The following GPR149 variants were observed in gnomAD, a reference collection of about 807,000 sequenced individuals.
GPR149 encodes probable G protein-coupled receptor 149.
In GPR149, 50 loss-of-function variants were observed where a neutral mutation model predicts 50.2. That is an observed-to-expected ratio of 1.00 (90% CI 0.79 to 1.26). The LOEUF is 1.26. GPR149 is among the 50% of genes most tolerant of loss of function. The probability of loss-of-function intolerance (pLI) is 0.00; values close to 1 mark genes in which losing one functional copy is unlikely to be tolerated. For missense variants in GPR149, 983 were observed against 895.4 expected, an observed-to-expected ratio of 1.10 and a Z score of -1.25; for synonymous variants, 405 against 358.2, an observed-to-expected ratio of 1.13 and a Z score of -1.48.
chr3:154,426,709 C>T (rs1712311917), intron 2 of GPR149, among the ~76,000 whole-genome samples: 1 of 152,024 alleles, frequency 6.6e-6, no homozygotes, highest in African/African-American at 2.4e-5. Context: ...TGGAAGGGAC[C>T]CTGCTTTCCA....
intron 3 of GPR149, among the ~76,000 whole-genome samples, chr3:154,350,585 C>T (rs1024694630): frequency 5.3e-5 from 8 of 152,096 alleles, no homozygotes; most frequent in African/African-American, 1.9e-4. Flanking sequence ...GACTGGAAGA[C>T]TTGACAGTAA....
At chr3:154,386,867 C>T (rs1330665866) in intron 3 of GPR149, among the ~76,000 whole-genome samples, 3 of 151,964 alleles carry the variant, frequency 2.0e-5, no homozygotes, top group Non-Finnish European at 4.4e-5. Context: ...AATAGAAGAG[C>T]CAATATTTTA....
intron 3 of GPR149, among the ~76,000 whole-genome samples, chr3:154,367,543 T>C (rs1714558668): frequency 4.6e-5 from 7 of 152,158 alleles, no homozygotes. Context: ...ACATGTTAAT[T>C]GTCTTTGTTT....
chr3:154,389,013 A>G (rs1715108203), intron 3 of GPR149, among the ~76,000 whole-genome samples: 1 of 152,118 alleles, frequency 6.6e-6, no homozygotes, highest in African/African-American at 2.4e-5. Context: ...ATAAAAAGGT[A>G]AATCACTTGT....
intron 3 of GPR149, among the ~76,000 whole-genome samples, chr3:154,386,982 T>C (rs201364976): frequency 3.5e-5 from 5 of 144,468 alleles, no homozygotes; most frequent in South Asian, 4.6e-4. Context: ...CCTTTTTTTT[T>C]CCCTATTAAG....
At chr3:154,407,418 G>A (rs990444324) in intron 3 of GPR149, among the ~76,000 whole-genome samples, 4 of 151,938 alleles carry the variant, frequency 2.6e-5, no homozygotes, top group African/African-American at 9.7e-5. Flanking sequence ...ACAGGGGTGT[G>A]GGTTAGCAAT....
At chr3:154,367,340 C>CA (rs1172020357) in intron 3 of GPR149, among the ~76,000 whole-genome samples, 17 of 36,702 alleles carry the variant, frequency 4.6e-4, no homozygotes, top group Non-Finnish European at 8.1e-4. Flanking sequence ...CTCCCTTCCC[C>CA]CCCCCGAAAC....
At chr3:154,358,439 A>G (rs1714297152) in intron 3 of GPR149, among the ~76,000 whole-genome samples, 1 of 152,182 alleles carries the variant, frequency 6.6e-6, no homozygotes, top group South Asian at 2.1e-4. Context: ...ATCTAAGTAT[A>G]AAAGCTCTTC....
intron 3 of GPR149, chr3:154,353,089 G>A: frequency 7.0e-7 from 1 of 1,435,684 alleles, no homozygotes; most frequent in Admixed American, 1.7e-5. Flanking sequence ...TGTAAACACT[G>A]GGCATTCTGT....
intron 3 of GPR149, among the ~76,000 whole-genome samples, chr3:154,371,044 C>T (rs915318344): frequency 6.6e-6 from 1 of 152,102 alleles, no homozygotes; most frequent in African/African-American, 2.4e-5. Flanking sequence ...GCAAAGAATG[C>T]CCATCCAGTC....
At chr3:154,419,517 A>C (rs1712079709) in intron 3 of GPR149, among the ~76,000 whole-genome samples, 2 of 152,088 alleles carry the variant, frequency 1.3e-5, no homozygotes, top group African/African-American at 4.8e-5. Context: ...GCATGATACC[A>C]TCTTTAGAAG....
intron 3 of GPR149, among the ~76,000 whole-genome samples, chr3:154,356,515 C>T (rs1360205476): frequency 1.3e-5 from 2 of 152,172 alleles, no homozygotes; most frequent in Non-Finnish European, 2.9e-5. Flanking sequence ...GCAAAAATCA[C>T]AAGCATTCTT....
intron 3 of GPR149, among the ~76,000 whole-genome samples, chr3:154,400,741 G>A (rs1017972131): frequency 6.6e-6 from 1 of 152,150 alleles, no homozygotes; most frequent in African/African-American, 2.4e-5. Context: ...TAAGTTATAC[G>A]CAGTTAATAA....
At chr3:154,425,738 C>T (rs995370459) in intron 2 of GPR149, among the ~76,000 whole-genome samples, 2 of 152,014 alleles carry the variant, frequency 1.3e-5, no homozygotes, top group South Asian at 2.1e-4. Flanking sequence ...ATTTTGATCT[C>T]GAAAGACATA....
chr3:154,387,138 C>T (rs757776605), intron 3 of GPR149, among the ~76,000 whole-genome samples: 46 of 152,178 alleles, frequency 3.0e-4, no homozygotes, highest in Non-Finnish European at 5.3e-4. Flanking sequence ...AGTTCCTGGA[C>T]ATTTTATGCT....
At chr3:154,363,041 A>G (rs1179543210) in intron 3 of GPR149, among the ~76,000 whole-genome samples, 1 of 152,180 alleles carries the variant, frequency 6.6e-6, no homozygotes, top group Non-Finnish European at 1.5e-5. Flanking sequence ...TTGTAGAAAG[A>G]AAGAGCATGG....
intron 3 of GPR149, among the ~76,000 whole-genome samples, chr3:154,375,168 A>G (rs769335310): frequency 6.6e-6 from 1 of 152,188 alleles, no homozygotes; most frequent in Admixed American, 6.5e-5. Context: ...CACTGGGTCA[A>G]TATCCAATTT....
In GPR149 at chr3:154,336,056, T is replaced by C. The variant is rs1456860637; in HGVS notation, c.*1643A>G. On this transcript the variant is annotated 3_prime_UTR_variant, in exon 4 of 4. Coordinates refer to ENST00000389740, the MANE Select transcript of GPR149 (RefSeq NM_001038705.3). ...TTAAAATAGCTGTTAATATTGGTGA[T>C]ACAGTCTTTTAAAATAAAATATATT... is the stretch of plus-strand genomic sequence containing the variant. The C allele has an allele frequency of 6.6e-6, 1 of 152,120 alleles. No individual in the cohort carries two copies. The highest frequency in any genetic ancestry group is 1.5e-5 in the Non-Finnish European group (1 of 67,938). The allele number at this position is 152,120 out of a possible 1,614,324, so 9.4% of individuals were successfully genotyped here.
At chr3:154,343,091 C>A (rs6766299) in intron 3 of GPR149, among the ~76,000 whole-genome samples, 1 of 151,970 alleles carries the variant, frequency 6.6e-6, no homozygotes, top group Non-Finnish European at 1.5e-5. Context: ...AAATAATTTC[C>A]ATATATTGTA....
Sources: gnomAD v4.1 joint callset for allele counts (sites outside exome capture counted in the v4.1 genomes callset) on GRCh38, gnomAD v4.1.1 for gene constraint, MANE v1.5 for transcripts, NCBI Gene and HGNC (gene_info 2026-07-23, HGNC 2026-07-21) for gene names.